The following TDRD9 variants were observed in gnomAD, a reference collection of about 807,000 sequenced individuals.
TDRD9 encodes tudor domain containing 9, also known as ATP-dependent RNA helicase TDRD9.
A neutral mutation model predicts 172.6 loss-of-function variants in TDRD9; 124 were observed. That is an observed-to-expected ratio of 0.72 (90% confidence interval 0.62 to 0.83). The LOEUF is 0.83. Ranked by LOEUF, TDRD9 falls within the 40% of genes least tolerant of loss-of-function variation. The pLI is 0.00. For missense variants in TDRD9, 1,479 were observed against 1,714.1 expected (o/e 0.86, Z 2.42); for synonymous variants, 619 against 617.1 (o/e 1.00, Z -0.05).
At chr14:103,931,114 G>C (rs927640496) in intron 1 of TDRD9, among the ~76,000 whole-genome samples, 2 of 151,568 alleles carry the variant, frequency 1.3e-5, no homozygotes, top group Non-Finnish European at 2.9e-5. Flanking sequence ...GGCCAACATG[G>C]TGAAACCCTG....
intron 34 of TDRD9, among the ~76,000 whole-genome samples, chr14:104,046,278 A>G (rs550016133): frequency 6.6e-6 from 1 of 152,250 alleles, no homozygotes; most frequent in Non-Finnish European, 1.5e-5. Context: ...TAAAAAATGA[A>G]TTATGTTTTC....
intron 7 of TDRD9, among the ~76,000 whole-genome samples, chr14:103,981,873 A>G (rs753896839): frequency 6.6e-6 from 1 of 152,196 alleles, no homozygotes; most frequent in Non-Finnish European, 1.5e-5. Context: ...AGTCTGTGTT[A>G]ATTTTGAGCT....
In TDRD9 at chr14:103,938,432, A is replaced by ATTTT. The variant is rs1343962171; in HGVS notation, c.215+9709_215+9710insTTTT. 1.7e-3 allele frequency among the ~76,000 whole-genome samples: 64 copies of ATTTT among 37,162 alleles called. 9 individuals carry two copies. The highest frequency in any genetic ancestry group is 5.3e-3 in the African/African-American group (50 of 9,458). The allele number at this position is 37,162 out of a possible 152,430, so 24.4% of individuals were successfully genotyped here. ...TGTGTGTGTATATATATATATATATATATATATATTTTTTTTTTTTTTTTG... is the reference window on the plus strand; with the variant it reads ...TGTGTGTGTATATATATATATATATATTTTTATATATATTTTTTTTTTTTTTTTG... On this transcript the variant is annotated intron_variant, in intron 1 of 35. Transcript: ENST00000409874.
chr14:103,929,706 G>A (rs1355792636), intron 1 of TDRD9, among the ~76,000 whole-genome samples: 2 of 152,168 alleles, frequency 1.3e-5, no homozygotes, highest in East Asian at 1.9e-4. Flanking sequence ...TTTTAATAGA[G>A]ACAGGGTTTC....
intron 3 of TDRD9, 149 bp downstream of exon 3, chr14:103,963,325 T>C (rs2032597216): frequency 5.6e-6 from 3 of 534,564 alleles, no homozygotes; most frequent in South Asian, 5.8e-5. Context: ...GAGGGTGTGC[T>C]CAGGCCAACC....
intron 15 of TDRD9, 43 bp downstream of exon 15, chr14:104,005,448 T>C: frequency 6.2e-7 from 1 of 1,600,864 alleles, no homozygotes. Context: ...TCTGTAGAGC[T>C]GTGTTCTACT....
intron 26 of TDRD9, 33 bp from the exon 27 acceptor site, chr14:104,026,014 C>T (rs371867985): frequency 1.6e-5 from 23 of 1,419,270 alleles, no homozygotes; most frequent in South Asian, 2.3e-5. Context: ...TTTTTGACCC[C>T]GTCGTAAAGT....
Position 104,035,045 on chromosome 14 carries a change from G to A in TDRD9, c.3705G>A (p.Val1235=), listed in dbSNP as rs1455388899. The change falls in exon 32 of 36, where the codon GTG becomes GTA. Residue 1235 remains valine, a synonymous_variant. Transcript: ENST00000409874. ...PALLSMLFAP[V]IELRIDQNGK... ...TCCTCAGCATGTTATTCGCACCGGT[G>A]ATAGAGTTAAGGTACGGGCATCCCT... 3 of 1,551,552 alleles carry A rather than the reference G, an allele frequency of 1.9e-6. No individual in the cohort carries two copies. In the Admixed American group the frequency reaches 5.9e-5, roughly 30 times the overall value.
chr14:103,941,572 C>T, intron 1 of TDRD9: 4 of 1,535,310 alleles, frequency 2.6e-6, no homozygotes, highest in Non-Finnish European at 2.6e-6. Context: ...ATTAATCTCT[C>T]TCGCTCCTTT....
At chr14:103,976,336 C>T (rs1237238563) in intron 7 of TDRD9, among the ~76,000 whole-genome samples, 4 of 151,258 alleles carry the variant, frequency 2.6e-5, no homozygotes, top group East Asian at 1.9e-4. Context: ...TGCAGTGGCG[C>T]GATCTCAGCT....
intron 1 of TDRD9, among the ~76,000 whole-genome samples, chr14:103,937,793 TTC>T (rs893271222): frequency 4.6e-5 from 7 of 152,232 alleles, no homozygotes; most frequent in Non-Finnish European, 7.3e-5. Flanking sequence ...CTTTCTTGAA[TTC>T]TGTTTGTTCC....
chr14:104,040,845 G>A (rs531632754), intron 33 of TDRD9, among the ~76,000 whole-genome samples: 4 of 152,256 alleles, frequency 2.6e-5, no homozygotes, highest in Non-Finnish European at 5.9e-5. Context: ...AAGGCAGACA[G>A]GGAAACTGTG....
chr14:104,026,477 T>G (rs1460753766), intron 27 of TDRD9, among the ~76,000 whole-genome samples: 1 of 152,172 alleles, frequency 6.6e-6, no homozygotes, highest in African/African-American at 2.4e-5. Flanking sequence ...AATCTAAAAA[T>G]TATTCTAAAT....
chr14:103,998,612 T>A lies in TDRD9; in HGVS notation c.1379-12T>A, dbSNP rs2034141902. 6.8e-7 allele frequency: 1 copy of A among 1,462,290 alleles called. No individual in the cohort carries two copies. Among genetic ancestry groups the A allele is most frequent in the South Asian group, 1.1e-5 (1 of 87,068 alleles). The allele number at this position is 1,462,290 out of a possible 1,614,324, so 90.6% of individuals were successfully genotyped here. ...TAGCATGGTGTTTACAGTCCTTTTT[T>A]TTAAATGGCAGTTATAGATTTTTGT... On this transcript the variant is annotated splice_polypyrimidine_tract_variant and intron_variant, in intron 12 of 35. Coordinates refer to ENST00000409874, the MANE Select transcript of TDRD9 (RefSeq NM_153046.3).
intron 34 of TDRD9, among the ~76,000 whole-genome samples, chr14:104,044,241 C>G (rs1323695058): frequency 6.6e-6 from 1 of 152,334 alleles, no homozygotes; most frequent in South Asian, 2.1e-4. Context: ...TCCTTGGCGA[C>G]TCCAAGACAA....
rs1196971698 is a variant in TDRD9 at position 103,970,595 on chromosome 14, T to G, written c.820T>G (p.Leu274Val). The G allele has an allele frequency of 1.5e-5, 23 of 1,551,404 alleles. No homozygotes were observed. Among genetic ancestry groups the G allele is most frequent in the Non-Finnish European group, 2.0e-5 (23 of 1,146,680 alleles). The change falls in exon 6 of 36, where the codon TTA becomes GTA. Residue 274 changes from leucine to valine, a missense_variant. Around this residue, in one of 3 missense-constraint regions of TDRD9, gnomAD observed 1,413 missense variants for 1,649.1 expected, o/e 0.86. Coordinates refer to ENST00000409874, the MANE Select transcript of TDRD9 (RefSeq NM_153046.3). ...DFLLLVVRKL[L>V]RTNSRFVKVV... The stretch of plus-strand genomic sequence containing the variant: ...CCTGCTATTGGTAGTCCGCAAACTC[T>G]TAAGAACAAATTCACGTTTTGTGAA...
chr14:104,041,561 A>T lies in TDRD9; in HGVS notation c.3856-508A>T, dbSNP rs753530772. Among the ~76,000 whole-genome samples the T allele has an allele frequency of 3.2e-4, 49 of 152,338 alleles. 1 individual carries two copies. Among genetic ancestry groups the T allele is most frequent in the Middle Eastern group, 3.4e-3 (1 of 294 alleles). On this transcript the variant is annotated intron_variant, in intron 33 of 35. Coordinates refer to ENST00000409874, the MANE Select transcript of TDRD9 (RefSeq NM_153046.3). ...AACAAGCAACAGAATTAAAATACGG[A>T]TGACAGTAAACCCATGAAAAGATGC... is the stretch of plus-strand genomic sequence containing the variant.
intron 1 of TDRD9, among the ~76,000 whole-genome samples, chr14:103,946,512 C>A (rs758392883): frequency 1.6e-4 from 25 of 152,318 alleles, no homozygotes; most frequent in Admixed American, 5.2e-4. Context: ...CCGCCTTTCA[C>A]CACTTTTACT....
At chr14:103,938,147 A>T (rs1451022347) in intron 1 of TDRD9, among the ~76,000 whole-genome samples, 1 of 152,016 alleles carries the variant, frequency 6.6e-6, no homozygotes, top group Non-Finnish European at 1.5e-5. Context: ...AGTGCTTAGT[A>T]TGTGCCTGGT....
Sources: gnomAD v4.1 joint callset for allele counts (sites outside exome capture counted in the v4.1 genomes callset) on GRCh38, gnomAD v4.1.1 for gene constraint, gnomAD v4.1.1 regional missense constraint, MANE v1.5 for transcripts, NCBI Gene and HGNC (gene_info 2026-07-23, HGNC 2026-07-21) for gene names.